SCN11A: variants seen among roughly 807,000 people sequenced by gnomAD.
SCN11A encodes the protein sodium channel protein type 11 subunit alpha.
SCN11A carries 122 observed loss-of-function variants against 162.2 expected under a neutral mutation model. The observed-to-expected ratio is 0.75, with a 90% confidence interval of 0.65 to 0.87. SCN11A has a LOEUF of 0.87. SCN11A is among the 40% of genes least tolerant of loss of function. The pLI is 0.00. For synonymous variants in SCN11A, 758 were observed against 751.5 expected, an observed-to-expected ratio of 1.01 and a Z score of -0.14; for missense variants, 2,015 against 2,181.6, an observed-to-expected ratio of 0.92 and a Z score of 1.52.
chr3:38,931,661 T>C (rs1194773297), intron 7 of SCN11A, among the ~76,000 whole-genome samples: 1 of 152,212 alleles, frequency 6.6e-6, no homozygotes, highest in Non-Finnish European at 1.5e-5. Flanking sequence ...CTTGTTCACA[T>C]AGTCCCTTTC....
chr3:38,862,777 A>G (rs562812400), intron 28 of SCN11A, among the ~76,000 whole-genome samples: 173 of 152,240 alleles, frequency 1.1e-3, no homozygotes, highest in African/African-American at 3.4e-3. Context: ...ACAAGACTAC[A>G]CACTGGGTAC....
chr3:38,883,419 GTGTC>G, intron 21 of SCN11A, 32 bp from the exon 22 acceptor site: 2 of 1,596,732 alleles, frequency 1.3e-6, no homozygotes, highest in Non-Finnish European at 1.7e-6. Context: ...ACTATCATTA[GTGTC>G]TGTAATAAAC....
intron 1 of SCN11A, among the ~76,000 whole-genome samples, chr3:39,050,907 A>C (rs1483865214): frequency 6.6e-6 from 1 of 152,230 alleles, no homozygotes; most frequent in African/African-American, 2.4e-5. Context: ...TAGCAGATAC[A>C]TCATATGCTA....
chr3:38,850,616 G>C lies in SCN11A; in HGVS notation c.4192C>G (p.Leu1398Val). The C allele has an allele frequency of 6.2e-7, 1 of 1,613,994 alleles. No homozygotes were observed. The highest frequency in any genetic ancestry group is 8.5e-7 in the Non-Finnish European group (1 of 1,179,916). ...YNQPKAMKSI[L>V]DHLNWVFVVI... ...ACAAAGACCCAGTTGAGATGGTCAA[G>C]GATGGATTTCATGGCTTTGGGTTGG... Residue 1398 changes from leucine (L) to valine (V), a missense_variant, in exon 29 of 30, where the codon CTT becomes GTT. By Grantham distance (32) the Leu-to-Val change is conservative (BLOSUM62 1). Transcript: ENST00000302328.
At chr3:39,034,304 AAATT>A (rs1320747509) in intron 1 of SCN11A, among the ~76,000 whole-genome samples, 2 of 152,368 alleles carry the variant, frequency 1.3e-5, no homozygotes, top group Admixed American at 6.5e-5. Context: ...CAACATATAC[AAATT>A]AATTAAGGTG....
intron 21 of SCN11A, among the ~76,000 whole-genome samples, chr3:38,884,129 A>G (rs934512026): frequency 6.6e-6 from 1 of 152,076 alleles, no homozygotes; most frequent in African/African-American, 2.4e-5. Flanking sequence ...TCCTTTCCTC[A>G]TCTTCTTAAA....
chr3:38,936,664 G>C (rs1276981937), intron 7 of SCN11A, among the ~76,000 whole-genome samples: 1 of 151,796 alleles, frequency 6.6e-6, no homozygotes, highest in Non-Finnish European at 1.5e-5. Flanking sequence ...CAACTTACAA[G>C]GGACGTGAAG....
At chr3:39,048,501 AATAGCTAAAAG>A (rs2032238584) in intron 1 of SCN11A, among the ~76,000 whole-genome samples, 1 of 152,194 alleles carries the variant, frequency 6.6e-6, no homozygotes, top group Admixed American at 6.5e-5. Flanking sequence ...CATATTTTCA[AATAGCTAAAAG>A]AGTGGATATT....
In SCN11A at chr3:38,950,377, C is replaced by T; in HGVS notation, c.-7-8G>A. 1 of 1,612,228 alleles carries T rather than the reference C, an allele frequency of 6.2e-7. No homozygotes were observed. Among genetic ancestry groups the T allele is most frequent in the Non-Finnish European group, 8.5e-7 (1 of 1,179,718 alleles). ...CTGTCATCCATCTTCACCCTCAGGA[C>T]AGAGACAAGCCACAGATCCTCAGAA... On this transcript the variant is annotated splice_region_variant and splice_polypyrimidine_tract_variant and intron_variant, in intron 4 of 29. Transcript: ENST00000302328.
Position 38,872,248 on chromosome 3 carries a change from C to G in SCN11A, c.3440G>C (p.Arg1147Pro). 1.2e-6 allele frequency: 2 copies of G among 1,610,988 alleles called. No homozygotes were observed. Among genetic ancestry groups the G allele is most frequent in the Non-Finnish European group, 1.7e-6 (2 of 1,177,450 alleles). ...LINLMELKSF[R>P]TLRALRPLRA... is the part of the protein sequence containing the mutation. ...AAGAGGCCTCAGTGCTCGTAGAGTC[C>G]GGAAGGACTTCAATTCCATTAAGTT... The change falls in exon 24 of 30, where the codon CGG becomes CCG. Residue 1147 changes from arginine (R) to proline (P), a missense_variant. Coordinates refer to ENST00000302328, the MANE Select transcript of SCN11A (RefSeq NM_001349253.2).
At chr3:38,912,946 G>A (rs753933079) in intron 11 of SCN11A, among the ~76,000 whole-genome samples, 2 of 152,168 alleles carry the variant, frequency 1.3e-5, no homozygotes, top group East Asian at 3.8e-4. Flanking sequence ...ACATGCATGT[G>A]TGTGTATCTT....
chr3:38,937,784 A>T (rs963303374), intron 7 of SCN11A, among the ~76,000 whole-genome samples: 5 of 152,232 alleles, frequency 3.3e-5, no homozygotes, highest in African/African-American at 1.2e-4. Flanking sequence ...GGAACTGTAA[A>T]CTGTAAACTA....
At chr3:38,931,690 C>A (rs2066242756) in intron 7 of SCN11A, among the ~76,000 whole-genome samples, 1 of 152,176 alleles carries the variant, frequency 6.6e-6, no homozygotes, top group Non-Finnish European at 1.5e-5. Flanking sequence ...GTTGTATTCC[C>A]TAATAAGTGC....
At chr3:38,885,535 T>C in intron 20 of SCN11A, 133 bp from the exon 21 acceptor site, 1 of 610,260 alleles carries the variant, frequency 1.6e-6, no homozygotes, top group Non-Finnish European at 2.9e-6. Flanking sequence ...ATGAGAGGTG[T>C]CAAGAAACAC....
At chr3:38,950,620 C>T (rs990977109) in intron 4 of SCN11A, 8 of 467,776 alleles carry the variant, frequency 1.7e-5, no homozygotes, top group East Asian at 3.8e-5. Flanking sequence ...TGGCAAAAGG[C>T]GGGAAGTTGA....
chr3:38,965,990 T>A (rs1056477402), intron 2 of SCN11A, among the ~76,000 whole-genome samples: 14 of 150,976 alleles, frequency 9.3e-5, no homozygotes, highest in Admixed American at 6.6e-5. Flanking sequence ...TTAAAAAAAA[T>A]TAAAAAAAAA....
At chr3:38,996,405 C>T (rs1482942973) in intron 2 of SCN11A, among the ~76,000 whole-genome samples, 1 of 152,154 alleles carries the variant, frequency 6.6e-6, no homozygotes, top group Non-Finnish European at 1.5e-5. Flanking sequence ...TGTCAAGATT[C>T]ATAACATCAA....
At chr3:38,870,345 T>C (rs562589049) in intron 26 of SCN11A, among the ~76,000 whole-genome samples, 251 of 152,300 alleles carry the variant, frequency 1.6e-3, no homozygotes, top group African/African-American at 5.6e-3. Context: ...TCTTTGAAAT[T>C]TGGTTTCTGA....
At position 38,908,988 on chromosome 3, in the gene SCN11A, T is replaced by G. The variant is rs760766463; in HGVS notation, c.1299+9A>C. The stretch of plus-strand genomic sequence containing the variant: ...GAGCAGATCCCACTGTCTGACCCCA[T>G]GTCCCTACCTCCTTTTCCTCCTTTA... On this transcript the variant is annotated intron_variant, in intron 13 of 29. Transcript: ENST00000302328. 7.4e-6 allele frequency: 12 copies of G among 1,611,984 alleles called. No homozygotes were observed. In the Admixed American group the frequency reaches 1.3e-4, roughly 18 times the overall value.
Sources: gnomAD v4.1 joint callset for allele counts (sites outside exome capture counted in the v4.1 genomes callset) on GRCh38, gnomAD v4.1.1 for gene constraint, MANE v1.5 for transcripts, NCBI Gene and HGNC (gene_info 2026-07-23, HGNC 2026-07-21) for gene names.